Variants in SVOPL observed in about 807,000 individuals in gnomAD.
SVOPL encodes the protein putative transporter SVOPL.
SVOPL carries 60 observed loss-of-function variants against 61.0 expected under a neutral mutation model. That is an observed-to-expected ratio of 0.98 (90% CI 0.80 to 1.22). The LOEUF (loss-of-function observed/expected upper bound fraction) is 1.22. Among genes scored for constraint, SVOPL ranks in the 50% most tolerant of loss-of-function variants. The pLI is 0.00. For missense variants in SVOPL, 662 were observed against 643.9 expected (o/e 1.03, Z -0.30); for synonymous variants, 279 against 250.0 (o/e 1.12, Z -1.09).
intron 1 of SVOPL, among the ~76,000 whole-genome samples, chr7:138,691,257 T>C (rs67926498): frequency 0.16 from 25,060 of 152,100 alleles, 2,537 homozygotes; most frequent in East Asian, 0.44. Context: ...GATGGAAAAA[T>C]AGTATTTTAA....
intron 3 of SVOPL, among the ~76,000 whole-genome samples, chr7:138,674,144 C>T (rs1272736271): frequency 2.0e-5 from 3 of 151,834 alleles, no homozygotes; most frequent in Admixed American, 2.0e-4. Context: ...GCTGAGATCA[C>T]ACCACTGCAC....
intron 6 of SVOPL, among the ~76,000 whole-genome samples, chr7:138,659,611 G>A (rs1801911154): frequency 6.6e-6 from 1 of 152,024 alleles, no homozygotes; most frequent in African/African-American, 2.4e-5. Flanking sequence ...ATTAATTGAT[G>A]TGTTATGTCT....
chr7:138,671,376 T>G (rs1331087301), intron 4 of SVOPL, among the ~76,000 whole-genome samples: 1 of 152,198 alleles, frequency 6.6e-6, no homozygotes, highest in Admixed American at 6.5e-5. Flanking sequence ...AGATGGAGTT[T>G]CACTCTTGTC....
chr7:138,692,305 C>G (rs192883154), intron 1 of SVOPL, among the ~76,000 whole-genome samples: 1 of 152,094 alleles, frequency 6.6e-6, no homozygotes, highest in Non-Finnish European at 1.5e-5. Context: ...AGCAGTATCA[C>G]GTTGTTTAAA....
intron 5 of SVOPL, chr7:138,661,364 A>G (rs574775129): frequency 4.1e-6 from 4 of 985,414 alleles, no homozygotes; most frequent in Non-Finnish European, 4.8e-6. Flanking sequence ...ACACTCTAAT[A>G]TGTTTTAACT....
chr7:138,628,353 A>T lies in SVOPL; in HGVS notation c.874T>A (p.Ser292Thr), dbSNP rs1330237338. ...LQIWVIWLGI[S>T]FAYYGVILAS... ...AGGATAACCCCATAGTAGGCAAAAG[A>T]GATTCCAAGCCTGGAAGAGAGAAAA... Residue 292 changes from serine to threonine, a missense_variant, in exon 11 of 16, where the codon TCT becomes ACT. By Grantham distance (58) the Ser-to-Thr change is moderately conservative. Transcript: ENST00000674285. 1.2e-6 allele frequency: 2 copies of T among 1,614,096 alleles called. No homozygotes were observed. The highest frequency in any genetic ancestry group is 1.6e-4 in the Middle Eastern group (1 of 6,062).
chr7:138,606,114 T>A (rs1673217), intron 14 of SVOPL, among the ~76,000 whole-genome samples: 122,321 of 152,112 alleles, frequency 0.8, 49,916 homozygotes, highest in East Asian at 1. Context: ...AAATTAGCCA[T>A]CTATGCACAC....
At chr7:138,700,530 G>A (rs1207079162) in intron 1 of SVOPL, among the ~76,000 whole-genome samples, 9 of 151,764 alleles carry the variant, frequency 5.9e-5, no homozygotes, top group Non-Finnish European at 1.2e-4. Flanking sequence ...TAGTAGAGAC[G>A]GGGTTTCACC....
intron 1 of SVOPL, among the ~76,000 whole-genome samples, chr7:138,697,202 T>G (rs936422457): frequency 6.6e-6 from 1 of 151,900 alleles, no homozygotes; most frequent in Admixed American, 6.6e-5. Flanking sequence ...GAGACCCCCA[T>G]CTCTACAAAA....
At chr7:138,603,087 AAC>A (rs1431379797) in intron 14 of SVOPL, among the ~76,000 whole-genome samples, 2 of 152,022 alleles carry the variant, frequency 1.3e-5, no homozygotes, top group Non-Finnish European at 2.9e-5. Flanking sequence ...ATATGACTGG[AAC>A]ACACACAGAC....
At chr7:138,622,238 CTATCTATCTATCTATG>C (rs1256455370) in intron 13 of SVOPL, among the ~76,000 whole-genome samples, 21 of 58,526 alleles carry the variant, frequency 3.6e-4, no homozygotes, top group African/African-American at 1.2e-3. Context: ...ATCTATGTAT[CTATCTATCTATCTATG>C]TATCTATCTA....
At chr7:138,661,860 A>G in intron 5 of SVOPL, 1 of 984,620 alleles carries the variant, frequency 1.0e-6, no homozygotes, top group Non-Finnish European at 1.2e-6. Flanking sequence ...CCCTACTTAT[A>G]TTAATTTCGT....
intron 1 of SVOPL, among the ~76,000 whole-genome samples, chr7:138,699,607 C>A (rs1803145967): frequency 6.6e-6 from 1 of 152,124 alleles, no homozygotes; most frequent in Non-Finnish European, 1.5e-5. Context: ...ATGAGAGGCA[C>A]GACAAAATGG....
chr7:138,624,383 C>A (rs1799804606), intron 13 of SVOPL, among the ~76,000 whole-genome samples: 1 of 152,118 alleles, frequency 6.6e-6, no homozygotes, highest in Non-Finnish European at 1.5e-5. Flanking sequence ...TTTCTTAAAC[C>A]AATTTACTTT....
At chr7:138,624,738 C>A (rs1584796736) in intron 13 of SVOPL, among the ~76,000 whole-genome samples, 2 of 150,418 alleles carry the variant, frequency 1.3e-5, no homozygotes, top group Non-Finnish European at 2.9e-5. Flanking sequence ...TACTTTGCTG[C>A]CCAGGCTGGA....
At chr7:138,642,287 C>CAAAAAAAAAAAAA (rs79469915) in intron 9 of SVOPL, among the ~76,000 whole-genome samples, 1 of 111,672 alleles carries the variant, frequency 9.0e-6, no homozygotes, top group African/African-American at 3.6e-5. Flanking sequence ...GGAAATTAGC[C>CAAAAAAAAAAAAA]AAAAAAAAAA....
At chr7:138,605,640 C>CAAAA (rs1159063438) in intron 14 of SVOPL, among the ~76,000 whole-genome samples, 11 of 84,242 alleles carry the variant, frequency 1.3e-4, no homozygotes, top group Admixed American at 2.5e-4. Flanking sequence ...CTAACCTGGG[C>CAAAA]AAAAAAAAAA....
At chr7:138,611,851 C>A (rs1452386765) in intron 14 of SVOPL, among the ~76,000 whole-genome samples, 117 of 54,114 alleles carry the variant, frequency 2.2e-3, no homozygotes, top group Non-Finnish European at 2.3e-3. Flanking sequence ...CCCAAAGTGC[C>A]GAGATTGCAG....
intron 8 of SVOPL, 64 bp downstream of exon 8, chr7:138,648,948 G>T (rs1801278007): frequency 2.5e-6 from 4 of 1,602,266 alleles, no homozygotes; most frequent in Middle Eastern, 1.7e-4. Context: ...GATATTTGTG[G>T]GGCATGAAGG....
Sources: gnomAD v4.1 joint callset for allele counts (sites outside exome capture counted in the v4.1 genomes callset) on GRCh38, gnomAD v4.1.1 for gene constraint, MANE v1.5 for transcripts, NCBI Gene and HGNC (gene_info 2026-07-23, HGNC 2026-07-21) for gene names.